ABTB2: variants seen among roughly 807,000 people sequenced by gnomAD.
The protein encoded by ABTB2 is ankyrin repeat and BTB/POZ domain-containing protein 2.
ABTB2 carries 56 observed loss-of-function variants against 104.1 expected under a neutral mutation model. The ratio of observed to expected loss-of-function variants is 0.54; its 90% confidence interval spans 0.43 to 0.67. The LOEUF (loss-of-function observed/expected upper bound fraction) is 0.67, where lower values mean the gene tolerates loss of function less well. Among genes scored for constraint, ABTB2 ranks in the 30% least tolerant of loss-of-function variants. The pLI is 0.00. For missense variants in ABTB2, 1,279 were observed against 1,407.7 expected, an observed-to-expected ratio of 0.91 and a Z score of 1.46; for synonymous variants, 606 against 608.2, an observed-to-expected ratio of 1.00 and a Z score of 0.05.
intron 1 of ABTB2, among the ~76,000 whole-genome samples, chr11:34,233,636 C>A (rs946830007): frequency 7.3e-5 from 10 of 137,252 alleles, no homozygotes; most frequent in Non-Finnish European, 1.2e-4. Flanking sequence ...AGGCATGAAC[C>A]ACTGTACCTG....
intron 1 of ABTB2, among the ~76,000 whole-genome samples, chr11:34,284,698 C>T (rs1461738008): frequency 6.6e-6 from 1 of 152,188 alleles, no homozygotes; most frequent in Non-Finnish European, 1.5e-5. Flanking sequence ...AGGGCTTAAA[C>T]ACACATAGGA....
intron 1 of ABTB2, among the ~76,000 whole-genome samples, chr11:34,270,247 G>T (rs1854297731): frequency 6.6e-6 from 1 of 152,148 alleles, no homozygotes; most frequent in Non-Finnish European, 1.5e-5. Context: ...CCTCAGAAGG[G>T]TGGGTGGGCA....
chr11:34,282,884 C>A (rs1854463518), intron 1 of ABTB2, among the ~76,000 whole-genome samples: 2 of 150,678 alleles, frequency 1.3e-5, no homozygotes, highest in Non-Finnish European at 3.0e-5. Flanking sequence ...ATGTTGAATG[C>A]ATTAGTTATA....
rs78245796 is a variant in ABTB2, at chr11:34,356,810, T to C, written c.774A>G (p.Gly258=). ...ASHSPDGGGA[G]GGEVSAEALE... Reference sequence around the variant, plus strand: ...GGGCCTCAGCAGACACCTCCCCGCCTCCGGCCCCTCCGCCATCAGGGCTGT... The same window carrying C: ...GGGCCTCAGCAGACACCTCCCCGCCCCCGGCCCCTCCGCCATCAGGGCTGT... Residue 258 remains glycine (G), a synonymous_variant, in exon 1 of 17, where the codon GGA becomes GGG. Coordinates refer to ENST00000435224, the MANE Select transcript of ABTB2 (RefSeq NM_145804.3). This position sits in a 1 kb window ranked among gnomAD's most constrained non-coding sequence, Gnocchi z 4.6. 2.0e-4 allele frequency: 314 copies of C among 1,606,944 alleles called. No individual in the cohort carries two copies. The African/African-American group carries it at 3.9e-3, about 20-fold the overall frequency.
chr11:34,247,262 AC>A (rs1321307587), intron 1 of ABTB2, among the ~76,000 whole-genome samples: 8 of 151,862 alleles, frequency 5.3e-5, no homozygotes, highest in Non-Finnish European at 1.0e-4. Flanking sequence ...TGCCAGCACC[AC>A]CCCCTCCCAA....
At chr11:34,344,277 A>G (rs1855302318) in intron 1 of ABTB2, among the ~76,000 whole-genome samples, 2 of 152,258 alleles carry the variant, frequency 1.3e-5, no homozygotes, top group Non-Finnish European at 2.9e-5. Context: ...ATCTTTATTA[A>G]AGGCTGCTGG....
intron 1 of ABTB2, among the ~76,000 whole-genome samples, chr11:34,345,979 G>A (rs752472242): frequency 9.2e-5 from 14 of 152,148 alleles, no homozygotes; most frequent in Non-Finnish European, 2.1e-4. Context: ...CATTTCCCCA[G>A]CCTCTCATAC....
At chr11:34,271,404 T>C (rs968247874) in intron 1 of ABTB2, among the ~76,000 whole-genome samples, 1 of 152,140 alleles carries the variant, frequency 6.6e-6, no homozygotes, top group African/African-American at 2.4e-5. Context: ...GGGAGGGAGC[T>C]CTGAGGTAGG....
At chr11:34,265,069 T>C (rs950665815) in intron 1 of ABTB2, among the ~76,000 whole-genome samples, 1 of 152,166 alleles carries the variant, frequency 6.6e-6, no homozygotes, top group East Asian at 1.9e-4. Flanking sequence ...AGTCGCTTCA[T>C]TTGAAAAAAG....
intron 1 of ABTB2, among the ~76,000 whole-genome samples, chr11:34,263,498 C>A (rs2133075902): frequency 6.6e-6 from 1 of 152,278 alleles, no homozygotes; most frequent in Non-Finnish European, 1.5e-5. Context: ...AAACACAGGT[C>A]TGCTCAGGCT....
chr11:34,350,013 C>T (rs1247715653), intron 1 of ABTB2, among the ~76,000 whole-genome samples: 1 of 152,154 alleles, frequency 6.6e-6, no homozygotes, highest in Non-Finnish European at 1.5e-5. Context: ...ATGCATAAGG[C>T]ACAACCGCAT....
intron 1 of ABTB2, among the ~76,000 whole-genome samples, chr11:34,215,551 G>C (rs2746629): frequency 0.58 from 88,662 of 151,966 alleles, 27,153 homozygotes; most frequent in East Asian, 0.73. Flanking sequence ...TTGATCATTA[G>C]ACTCTTCAGA....
At chr11:34,157,989 C>G (rs1852653028) in intron 14 of ABTB2, among the ~76,000 whole-genome samples, 1 of 152,224 alleles carries the variant, frequency 6.6e-6, no homozygotes, top group Non-Finnish European at 1.5e-5. Context: ...CCTCTGACTC[C>G]TCTACCAAGA....
chr11:34,240,276 A>G (rs777708285), intron 1 of ABTB2, among the ~76,000 whole-genome samples: 7 of 152,192 alleles, frequency 4.6e-5, no homozygotes, highest in Non-Finnish European at 8.8e-5. Flanking sequence ...AACCGTCTCC[A>G]TCGGCTGGTG....
In ABTB2 at chr11:34,162,021, T is replaced by A. The variant is rs140114305; in HGVS notation, c.2218+555A>T. Among the ~76,000 whole-genome samples, 3 of 152,170 alleles carry A rather than the reference T, an allele frequency of 2.0e-5. No homozygotes were observed. The East Asian group carries it at 5.8e-4, about 29-fold the overall frequency. ...CCACTACGCCTTGTACTTCAGGTGA[T>A]GTCACCTCATTCTTAGATAAGGATC... On this transcript the variant is annotated intron_variant, in intron 10 of 16. Coordinates refer to ENST00000435224, the MANE Select transcript of ABTB2 (RefSeq NM_145804.3).
chr11:34,305,915 T>A (rs980239541), intron 1 of ABTB2, among the ~76,000 whole-genome samples: 3 of 152,204 alleles, frequency 2.0e-5, no homozygotes, highest in African/African-American at 7.2e-5. Context: ...AGAAAGTTAA[T>A]ACTGACACAG....
chr11:34,155,805 C>T (rs1852617506), intron 14 of ABTB2, among the ~76,000 whole-genome samples: 1 of 152,258 alleles, frequency 6.6e-6, no homozygotes, highest in South Asian at 2.1e-4. Context: ...TCTGCAGCCC[C>T]TGCTGGAGCC....
At chr11:34,270,374 C>G (rs750398879) in intron 1 of ABTB2, among the ~76,000 whole-genome samples, 3 of 142,254 alleles carry the variant, frequency 2.1e-5, no homozygotes, top group Non-Finnish European at 4.5e-5. Flanking sequence ...GAGTCTCATT[C>G]TGTTGCCCAG....
In ABTB2 at chr11:34,204,604, C is replaced by G. The variant is rs1162254584; in HGVS notation, c.970G>C (p.Glu324Gln). Residue 324 changes from glutamate (E) to glutamine (Q), a missense_variant, in exon 2 of 17, where the codon GAG (glutamate) becomes CAG (glutamine). Glu to Gln is a conservative substitution (Grantham distance 29). Transcript: ENST00000435224. The stretch of plus-strand genomic sequence containing the variant: ...AGGGACTGCTCCAGGGTTCGGAGCT[C>G]CAGCTGGGCATAGGCATCGGCTCGC... ...DERADAYAQLELRTLEQSLLA... is the reference protein window; with the variant it reads ...DERADAYAQLQLRTLEQSLLA... 1 of 1,613,844 alleles carries G rather than the reference C, an allele frequency of 6.2e-7. No homozygotes were observed. The highest frequency in any genetic ancestry group is 1.7e-5 in the Admixed American group (1 of 60,012).
Sources: allele counts gnomAD v4.1 joint callset (sites outside exome capture counted in the v4.1 genomes callset), GRCh38; gene constraint gnomAD v4.1.1; non-coding constraint Gnocchi (gnomAD v3.1); transcripts MANE v1.5; gene names NCBI Gene and HGNC (gene_info 2026-07-23, HGNC 2026-07-21).